The following DDX4 variants were observed in gnomAD, a reference collection of about 807,000 sequenced individuals.
DDX4 encodes the protein DEAD-box helicase 4, also known as probable ATP-dependent RNA helicase DDX4.
A neutral mutation model predicts 100.0 loss-of-function variants in DDX4; 25 were observed. That is an observed-to-expected ratio of 0.25 (90% CI 0.18 to 0.35). DDX4 has a LOEUF of 0.35. DDX4 is among the 10% of genes least tolerant of loss of function. The pLI is 1.00. For missense variants in DDX4, 635 were observed against 882.4 expected, an observed-to-expected ratio of 0.72 and a Z score of 3.55; for synonymous variants, 259 against 275.7, an observed-to-expected ratio of 0.94 and a Z score of 0.60.
Position 55,813,744 on chromosome 5 carries a change from G to GA in DDX4, c.1693dup (p.Ile565AsnfsTer9). The GA allele has an allele frequency of 1.3e-6, 2 of 1,595,636 alleles. No individual in the cohort carries two copies. The highest frequency in any genetic ancestry group is 1.8e-5 in the Admixed American group (1 of 57,034). On this transcript the variant is annotated frameshift_variant, in exon 19 of 22. Transcript: ENST00000505374. LOFTEE classifies it high-confidence loss of function. Reference sequence around the variant, plus strand: ...TTTTATTGCAACTTTTCTTTGTCAAGAAAAAATATCAACTACAAGTATTCA... The same window carrying GA: ...TTTTATTGCAACTTTTCTTTGTCAAGAAAAAAATATCAACTACAAGTATTCA...
intron 2 of DDX4, among the ~76,000 whole-genome samples, 159 bp from the exon 3 acceptor site, chr5:55,746,005 A>T (rs978154087): frequency 1.3e-5 from 2 of 152,200 alleles, no homozygotes; most frequent in Non-Finnish European, 2.9e-5. Flanking sequence ...TCTTGGAATA[A>T]TTAGTAAAGG....
intron 7 of DDX4, among the ~76,000 whole-genome samples, chr5:55,774,469 C>G (rs1299071641): frequency 2.0e-5 from 3 of 152,110 alleles, no homozygotes; most frequent in Non-Finnish European, 4.4e-5. Context: ...GTTTAATAAC[C>G]TCCTGTGGGT....
intron 9 of DDX4, 122 bp from the exon 10 acceptor site, chr5:55,781,812 G>A: frequency 2.0e-6 from 2 of 980,578 alleles, no homozygotes; most frequent in Middle Eastern, 2.3e-4. Flanking sequence ...TTAAGAGATG[G>A]ATGGGTTAAA....
chr5:55,806,210 C>G (rs181449835), intron 18 of DDX4, among the ~76,000 whole-genome samples: 1 of 152,194 alleles, frequency 6.6e-6, no homozygotes, highest in Admixed American at 6.5e-5. Flanking sequence ...TGATTCTTCT[C>G]TCTTTTCTTC....
intron 18 of DDX4, among the ~76,000 whole-genome samples, chr5:55,810,290 A>G (rs572821379): frequency 1.3e-5 from 2 of 152,174 alleles, no homozygotes; most frequent in South Asian, 4.1e-4. Context: ...TTTTTAGTAG[A>G]GATGGGGTTT....
chr5:55,762,944 A>C (rs1281480654), intron 4 of DDX4, among the ~76,000 whole-genome samples: 1 of 152,010 alleles, frequency 6.6e-6, no homozygotes, highest in Non-Finnish European at 1.5e-5. Flanking sequence ...TATAATACCA[A>C]CTAGTAGAAA....
intron 17 of DDX4, among the ~76,000 whole-genome samples, chr5:55,797,742 A>G (rs947138665): frequency 6.6e-6 from 1 of 152,226 alleles, no homozygotes; most frequent in African/African-American, 2.4e-5. Context: ...GATCTAAAGC[A>G]AGACTTCTCA....
At chr5:55,741,567 C>T (rs769297365) in intron 2 of DDX4, among the ~76,000 whole-genome samples, 4 of 152,166 alleles carry the variant, frequency 2.6e-5, no homozygotes, top group Non-Finnish European at 4.4e-5. Context: ...ACAGCCAGAT[C>T]ACTTGAGGCC....
At chr5:55,815,586 T>G (rs1420367566) in intron 21 of DDX4, among the ~76,000 whole-genome samples, 163 bp downstream of exon 21, 1 of 152,154 alleles carries the variant, frequency 6.6e-6, no homozygotes, top group Non-Finnish European at 1.5e-5. Context: ...TATATACATA[T>G]TTTTGGTTTT....
rs751940265 is a variant in DDX4 at position 55,790,636 on chromosome 5, A to G, written c.1233A>G (p.Gln411=). The part of the protein sequence containing the change: ...GGTQLGHSIR[Q]IVQGCNILCA... ...CCCAGCTGGGACATTCAATTCGACA[A>G]ATAGTACAAGGCTGTAATATATTAT... is the stretch of plus-strand genomic sequence containing the variant. The change falls in exon 16 of 22, where the codon CAA becomes CAG. Residue 411 remains glutamine, a synonymous_variant. Transcript: ENST00000505374. 2.2e-5 allele frequency: 36 copies of G among 1,606,778 alleles called. No homozygotes were observed. The highest frequency in any genetic ancestry group is 3.3e-4 in the Middle Eastern group (2 of 6,072).
intron 3 of DDX4, among the ~76,000 whole-genome samples, chr5:55,748,537 C>T (rs1306962215): frequency 6.6e-6 from 1 of 151,712 alleles, no homozygotes; most frequent in African/African-American, 2.4e-5. Context: ...AATGTTTAGG[C>T]TAATGAAATG....
At chr5:55,745,918 G>T (rs1355348933) in intron 2 of DDX4, among the ~76,000 whole-genome samples, 1 of 152,140 alleles carries the variant, frequency 6.6e-6, no homozygotes, top group East Asian at 1.9e-4. Flanking sequence ...ACCAGATTTG[G>T]CTGGTGGCTG....
chr5:55,739,526 G>C (rs1388200564), intron 2 of DDX4, among the ~76,000 whole-genome samples: 2 of 152,028 alleles, frequency 1.3e-5, no homozygotes, highest in African/African-American at 2.4e-5. Context: ...GTAATTTAGG[G>C]GACAGTGGGG....
intron 7 of DDX4, among the ~76,000 whole-genome samples, chr5:55,779,053 A>G (rs1168651711): frequency 6.6e-6 from 1 of 152,022 alleles, no homozygotes; most frequent in Non-Finnish European, 1.5e-5. Flanking sequence ...GTTAGTTGGA[A>G]GGAGTGCTCA....
chr5:55,750,261 G>C (rs1759471979), intron 3 of DDX4: 1 of 157,090 alleles, frequency 6.4e-6, no homozygotes, highest in South Asian at 2.1e-4. Context: ...TGATATTGAA[G>C]GTCTTGGGAA....
intron 18 of DDX4, among the ~76,000 whole-genome samples, chr5:55,804,399 T>C (rs1190858689): frequency 2.0e-5 from 3 of 152,146 alleles, no homozygotes; most frequent in Non-Finnish European, 2.9e-5. Context: ...TCCTTGCCCA[T>C]GCCTATGTCC....
At chr5:55,747,431 G>T (rs955396953) in intron 3 of DDX4, among the ~76,000 whole-genome samples, 2 of 152,150 alleles carry the variant, frequency 1.3e-5, no homozygotes, top group Non-Finnish European at 2.9e-5. Flanking sequence ...GCCTGTGCCT[G>T]TAGTCCTAAC....
intron 18 of DDX4, among the ~76,000 whole-genome samples, chr5:55,813,422 A>G (rs774189072): frequency 6.6e-6 from 1 of 152,152 alleles, no homozygotes; most frequent in Admixed American, 6.5e-5. Context: ...CTAAGGTTCT[A>G]CTTCTTGTGT....
At chr5:55,792,370 C>A (rs1311928462) in intron 16 of DDX4, among the ~76,000 whole-genome samples, 2 of 144,182 alleles carry the variant, frequency 1.4e-5, no homozygotes, top group African/African-American at 2.6e-5. Context: ...TTATTTTTTT[C>A]TTTTTTTTGA....
Sources: gnomAD v4.1 joint callset for allele counts (sites outside exome capture counted in the v4.1 genomes callset) on GRCh38, gnomAD v4.1.1 for gene constraint, MANE v1.5 for transcripts, NCBI Gene and HGNC (gene_info 2026-07-23, HGNC 2026-07-21) for gene names.